DNM3: variants seen among roughly 807,000 people sequenced by gnomAD.
The protein encoded by DNM3 is dynamin-3.
Under a neutral mutation model 101.6 loss-of-function variants are expected in DNM3, and 47 were observed. That is an observed-to-expected ratio of 0.46 (90% confidence interval 0.37 to 0.59). DNM3 has a LOEUF of 0.59. DNM3 is among the 20% of genes least tolerant of loss of function. The pLI is 0.00. For synonymous variants in DNM3, 385 were observed against 387.9 expected (o/e 0.99, Z 0.09); for missense variants, 849 against 1,085.7 (o/e 0.78, Z 3.06).
chr1:172,114,755 C>G (rs2055765248), intron 13 of DNM3, among the ~76,000 whole-genome samples: 1 of 152,156 alleles, frequency 6.6e-6, no homozygotes, highest in South Asian at 2.1e-4. Flanking sequence ...GGTTAAGGAT[C>G]ATGCTCTAGA....
chr1:171,875,813 C>CTTTTTTTTTTTTTTTTTTTTTTTTT (rs60523795), intron 1 of DNM3, among the ~76,000 whole-genome samples: 2 of 104,676 alleles, frequency 1.9e-5, no homozygotes, highest in Non-Finnish European at 1.8e-5. Context: ...AGTTGTCTCT[C>CTTTTTTTTTTTTTTTTTTTTTTTTT]TTTTTTTTTT....
intron 12 of DNM3, 106 bp from the exon 13 acceptor site, chr1:172,092,718 T>C: frequency 8.0e-7 from 1 of 1,243,082 alleles, no homozygotes; most frequent in Non-Finnish European, 1.1e-6. Context: ...TAGGTCTGTC[T>C]CCATTGATTT....
chr1:171,875,626 C>G (rs955167737), intron 1 of DNM3, among the ~76,000 whole-genome samples: 1 of 152,212 alleles, frequency 6.6e-6, no homozygotes, highest in South Asian at 2.1e-4. Context: ...CCTGGACAAC[C>G]TTGGGGAAGT....
chr1:172,362,440 T>C (rs1220663057), intron 17 of DNM3, among the ~76,000 whole-genome samples: 4 of 151,656 alleles, frequency 2.6e-5, no homozygotes, highest in African/African-American at 7.3e-5. Context: ...ATGGTTTGAT[T>C]TGGGAATAGC....
At chr1:172,223,657 A>G (rs1280132009) in intron 14 of DNM3, among the ~76,000 whole-genome samples, 1 of 152,104 alleles carries the variant, frequency 6.6e-6, no homozygotes, top group Non-Finnish European at 1.5e-5. Flanking sequence ...TAGCACCTCT[A>G]TGTCCAATCC....
At chr1:171,903,808 A>C (rs1385912419) in intron 1 of DNM3, among the ~76,000 whole-genome samples, 4 of 152,172 alleles carry the variant, frequency 2.6e-5, no homozygotes, top group Non-Finnish European at 5.9e-5. Context: ...AGGGCTGGAA[A>C]TTTTACATAG....
At chr1:171,921,200 A>G (rs369483184) in intron 1 of DNM3, among the ~76,000 whole-genome samples, 1 of 150,980 alleles carries the variant, frequency 6.6e-6, no homozygotes. Context: ...CACCAGCCTC[A>G]GCCTCCCATA....
chr1:172,062,381 G>A (rs2051307836), intron 10 of DNM3, among the ~76,000 whole-genome samples: 1 of 152,108 alleles, frequency 6.6e-6, no homozygotes, highest in Non-Finnish European at 1.5e-5. Flanking sequence ...TTCACTCAAG[G>A]TTGGACTTTT....
intron 2 of DNM3, among the ~76,000 whole-genome samples, chr1:171,953,948 T>A (rs1422581005): frequency 6.6e-6 from 1 of 152,206 alleles, no homozygotes; most frequent in Non-Finnish European, 1.5e-5. Flanking sequence ...ATTGTCCTTT[T>A]TCATATACTC....
At chr1:172,160,147 C>T (rs879423360) in intron 14 of DNM3, among the ~76,000 whole-genome samples, 9 of 151,540 alleles carry the variant, frequency 5.9e-5, no homozygotes, top group Middle Eastern at 3.5e-3. Flanking sequence ...GGTGAGTTAG[C>T]GAGTGAGTGG....
chr1:172,128,122 A>G (rs993655782), intron 13 of DNM3, among the ~76,000 whole-genome samples: 1 of 152,154 alleles, frequency 6.6e-6, no homozygotes, highest in Non-Finnish European at 1.5e-5. Context: ...GACTCTTGTG[A>G]CTACCTCTGA....
chr1:172,081,855 A>C lies in DNM3; in HGVS notation c.1446A>C (p.Gln482His). The change falls in exon 12 of 21, where the codon CAA becomes CAC. Residue 482 changes from glutamine (Q) to histidine (H), a missense_variant. Coordinates refer to ENST00000627582, the MANE Select transcript of DNM3 (RefSeq NM_015569.5). The stretch of plus-strand genomic sequence containing the variant: ...AGGTATTGCTATTGATTGACATTCA[A>C]GTCTCTTACATCAACACCAACCATG... Reference protein sequence around the residue: ...KDQVLLLIDIQVSYINTNHED... With the variant: ...KDQVLLLIDIHVSYINTNHED... The C allele has an allele frequency of 6.2e-7, 1 of 1,612,984 alleles. No homozygotes were observed. Among genetic ancestry groups the C allele is most frequent in the African/African-American group, 1.3e-5 (1 of 75,050 alleles).
intron 14 of DNM3, among the ~76,000 whole-genome samples, chr1:172,156,075 G>A (rs1263206166): frequency 1.3e-5 from 2 of 152,046 alleles, no homozygotes; most frequent in African/African-American, 4.8e-5. Flanking sequence ...ACTTCATAGG[G>A]ATGTTGGAGG....
chr1:172,349,320 C>T (rs1558029048), intron 17 of DNM3, among the ~76,000 whole-genome samples: 4 of 152,134 alleles, frequency 2.6e-5, no homozygotes, highest in East Asian at 3.9e-4. Context: ...TGAGGATTCT[C>T]GAAATGATTA....
chr1:172,379,090 A>G lies in DNM3; in HGVS notation c.1966A>G (p.Ile656Val). The change falls in exon 18 of 21, where the codon ATT becomes GTT. Residue 656 changes from isoleucine (I) to valine (V), a missense_variant. By Grantham distance (29) the Ile-to-Val change is conservative. Transcript: ENST00000627582. ...DPQLERQVET[I>V]RNLVDSYMSI... is the part of the protein sequence containing the mutation. ...ACAATTGGAGAGGCAAGTGGAGACC[A>G]TTCGCAACCTCGTAGACTCCTACAT... 1 of 1,612,512 alleles carries G rather than the reference A, an allele frequency of 6.2e-7. No individual in the cohort carries two copies. The highest frequency in any genetic ancestry group is 2.2e-5 in the East Asian group (1 of 44,826).
At chr1:172,248,159 G>T (rs1453167262) in intron 14 of DNM3, among the ~76,000 whole-genome samples, 1 of 152,084 alleles carries the variant, frequency 6.6e-6, no homozygotes, top group Non-Finnish European at 1.5e-5. Flanking sequence ...TCAAATCAGA[G>T]ATATTGGTTT....
rs780203691 is a variant in DNM3 at position 172,131,318 on chromosome 1, T to C, written c.1659+30T>C. The C allele has an allele frequency of 8.2e-6, 13 of 1,581,058 alleles. No individual in the cohort carries two copies. The Admixed American group carries it at 2.2e-4, about 27-fold the overall frequency. On this transcript the variant is annotated intron_variant, in intron 14 of 20. Coordinates refer to ENST00000627582, the MANE Select transcript of DNM3 (RefSeq NM_015569.5). ...GTCACAGAGAGTGATAAAGTTTTCT[T>C]GTTAAAGTATTTCTCATTTTAAATT...
chr1:171,926,437 G>A (rs537940110), intron 2 of DNM3, among the ~76,000 whole-genome samples: 1 of 152,234 alleles, frequency 6.6e-6, no homozygotes, highest in Admixed American at 6.5e-5. Context: ...TCTGCATGTG[G>A]ATATCCACTA....
In DNM3 at chr1:172,072,124, C is replaced by A. The variant is rs940194926; in HGVS notation, c.1422+3219C>A. 2.6e-5 allele frequency among the ~76,000 whole-genome samples: 4 copies of A among 152,164 alleles called. 1 individual carries two copies. Among genetic ancestry groups the A allele is most frequent in the Non-Finnish European group, 5.9e-5 (4 of 68,032 alleles). On this transcript the variant is annotated intron_variant, in intron 11 of 20. Transcript: ENST00000627582. ...GATATTTTGCTCCTTATAGTGGCAACAATTTATTTGTGTTCAAATATTACA... is the reference window on the plus strand; with the variant it reads ...GATATTTTGCTCCTTATAGTGGCAAAAATTTATTTGTGTTCAAATATTACA...
Sources: gnomAD v4.1 joint callset for allele counts (sites outside exome capture counted in the v4.1 genomes callset) on GRCh38, gnomAD v4.1.1 for gene constraint, MANE v1.5 for transcripts, NCBI Gene and HGNC (gene_info 2026-07-23, HGNC 2026-07-21) for gene names.